The following ZMYM4 variants were observed in gnomAD, a reference collection of about 807,000 sequenced individuals.
The protein encoded by ZMYM4 is zinc finger MYM-type protein 4.
In ZMYM4, 31 loss-of-function variants were observed where a neutral mutation model predicts 183.2. That is an observed-to-expected ratio of 0.17 (90% CI 0.13 to 0.23). The LOEUF is 0.23. Among genes scored for constraint, ZMYM4 ranks in the 10% least tolerant of loss-of-function variants. The pLI is 1.00. For missense variants in ZMYM4, 1,273 were observed against 1,840.3 expected (o/e 0.69, Z 5.64); for synonymous variants, 592 against 631.2 (o/e 0.94, Z 0.93).
At chr1:35,358,769 T>C (rs1250950415) in intron 2 of ZMYM4, 156 bp from the exon 3 acceptor site, 6 of 635,540 alleles carry the variant, frequency 9.4e-6, no homozygotes, top group Middle Eastern at 4.3e-4. Context: ...GGAATAGTTA[T>C]ATCTGTCACA....
At chr1:35,359,523 G>C in intron 3 of ZMYM4, 77 bp downstream of exon 3, 1 of 1,335,676 alleles carries the variant, frequency 7.5e-7, no homozygotes, top group South Asian at 1.6e-5. Context: ...TATTACTTTT[G>C]ATGTTAAGTG....
intron 15 of ZMYM4, among the ~76,000 whole-genome samples, chr1:35,391,484 A>AT (rs1644704614): frequency 1.3e-5 from 2 of 152,214 alleles, no homozygotes; most frequent in Admixed American, 1.3e-4. Context: ...AGCTAGAAGA[A>AT]TTTAAGTGTA....
chr1:35,365,904 G>A (rs1570446936), intron 5 of ZMYM4: 1 of 152,006 alleles, frequency 6.6e-6, no homozygotes, highest in South Asian at 2.1e-4. Context: ...AAGGCATTGT[G>A]GACCATACAA....
chr1:35,269,006 C>G lies in ZMYM4; in HGVS notation c.-41C>G. The G allele has an allele frequency of 6.6e-7, 1 of 1,519,548 alleles. No homozygotes were observed. The highest frequency in any genetic ancestry group is 8.8e-7 in the Non-Finnish European group (1 of 1,133,700). The allele number at this position is 1,519,548 out of a possible 1,614,324, so 94.1% of individuals were successfully genotyped here. A position where few individuals can be genotyped will look rare whatever the true frequency, so the allele number is the denominator to read the frequency against. On this transcript the variant is annotated 5_prime_UTR_variant, in exon 1 of 30. Coordinates refer to ENST00000314607, the MANE Select transcript of ZMYM4 (RefSeq NM_005095.3). ...CCGGGGGGCCGAGAGGTACCGCCGC[C>G]ACCGCGCGGGGAGCCGCAGCGGTTC... is the stretch of plus-strand genomic sequence containing the variant.
chr1:35,402,802 A>G (rs1644933949), intron 23 of ZMYM4, among the ~76,000 whole-genome samples: 3 of 150,880 alleles, frequency 2.0e-5, no homozygotes, highest in Non-Finnish European at 4.4e-5. Context: ...TACCTAGACA[A>G]TCATATTATC....
chr1:35,405,410 C>T lies in ZMYM4; in HGVS notation c.3738C>T (p.Pro1246=), dbSNP rs373958305. ...CCTCATCTAGCCCACGTTCTGACCC[C>T]TTAGGAAGTACTCAAGACCATGCAC... ...EQASSSPRSD[P]LGSTQDHALS... is the part of the protein sequence containing the mutation. Residue 1246 remains proline, a synonymous_variant, in exon 25 of 30, where the codon CCC becomes CCT. Transcript: ENST00000314607. The T allele has an allele frequency of 3.7e-6, 6 of 1,613,574 alleles. No homozygotes were observed. Among genetic ancestry groups the T allele is most frequent in the Non-Finnish European group, 5.1e-6 (6 of 1,179,896 alleles).
chr1:35,275,156 A>G (rs1639807597), intron 1 of ZMYM4, among the ~76,000 whole-genome samples: 1 of 152,198 alleles, frequency 6.6e-6, no homozygotes, highest in South Asian at 2.1e-4. Context: ...TTTATTTTTT[A>G]GAAAATATAC....
intron 7 of ZMYM4, among the ~76,000 whole-genome samples, chr1:35,380,854 T>C (rs1644441988): frequency 6.6e-6 from 1 of 152,210 alleles, no homozygotes; most frequent in Non-Finnish European, 1.5e-5. Context: ...AATGTATGTT[T>C]ACTTTTAAAA....
chr1:35,279,416 C>T (rs760112272), intron 1 of ZMYM4, among the ~76,000 whole-genome samples: 4 of 152,098 alleles, frequency 2.6e-5, no homozygotes, highest in African/African-American at 7.2e-5. Context: ...CTCCATTCCT[C>T]GTTTCTGTTG....
chr1:35,294,050 G>A (rs1022482822), intron 1 of ZMYM4, among the ~76,000 whole-genome samples: 3 of 151,534 alleles, frequency 2.0e-5, no homozygotes, highest in East Asian at 1.9e-4. Context: ...CAGGAGAATC[G>A]CTTGAACCCA....
At chr1:35,408,867 C>T (rs1472058089) in intron 26 of ZMYM4, among the ~76,000 whole-genome samples, 5 of 152,214 alleles carry the variant, frequency 3.3e-5, no homozygotes, top group African/African-American at 1.2e-4. Context: ...GTGCAGTCAT[C>T]ACCACTGTCT....
chr1:35,278,003 C>T (rs1639956549), intron 1 of ZMYM4, among the ~76,000 whole-genome samples: 2 of 152,148 alleles, frequency 1.3e-5, no homozygotes, highest in Admixed American at 6.5e-5. Context: ...TAGCTTAAAA[C>T]ATCAGAAATT....
At chr1:35,385,634 A>G in intron 10 of ZMYM4, 42 bp downstream of exon 10, 1 of 1,553,286 alleles carries the variant, frequency 6.4e-7, no homozygotes, top group Non-Finnish European at 8.7e-7. Flanking sequence ...ATGGTTGAAA[A>G]ATAATGGTTA....
chr1:35,293,140 A>G (rs1236091556), intron 1 of ZMYM4, among the ~76,000 whole-genome samples: 1 of 151,606 alleles, frequency 6.6e-6, no homozygotes, highest in African/African-American at 2.4e-5. Flanking sequence ...AGCTGGGACT[A>G]TAGGTACCTG....
chr1:35,326,064 A>G (rs1395659828), intron 2 of ZMYM4, among the ~76,000 whole-genome samples: 18 of 152,062 alleles, frequency 1.2e-4, no homozygotes. Flanking sequence ...TCAGTATTTT[A>G]TTGTATGGCT....
chr1:35,416,473 CTAAGAT>C (rs773817594), intron 28 of ZMYM4, among the ~76,000 whole-genome samples: 3 of 152,134 alleles, frequency 2.0e-5, no homozygotes, highest in Non-Finnish European at 4.4e-5. Context: ...TGTTCATTTA[CTAAGAT>C]TATCTTTTTC....
chr1:35,405,363 T>C lies in ZMYM4; in HGVS notation c.3701-10T>C. 6.3e-7 allele frequency: 1 copy of C among 1,596,686 alleles called. No individual in the cohort carries two copies. The highest frequency in any genetic ancestry group is 8.5e-7 in the Non-Finnish European group (1 of 1,175,724). ...TTTAAACTTTTCTTTTATGTTTCTC[T>C]CCTTGTCAGGGGTTGAACAGGCCTC... On this transcript the variant is annotated splice_polypyrimidine_tract_variant and intron_variant, in intron 24 of 29. Transcript: ENST00000314607.
At chr1:35,306,113 G>T (rs1165380348) in intron 1 of ZMYM4, among the ~76,000 whole-genome samples, 1 of 151,962 alleles carries the variant, frequency 6.6e-6, no homozygotes, top group African/African-American at 2.4e-5. Flanking sequence ...GATGCCATTT[G>T]TTCTTTATTC....
intron 2 of ZMYM4, among the ~76,000 whole-genome samples, chr1:35,353,720 G>T (rs529127919): frequency 6.6e-6 from 1 of 152,326 alleles, no homozygotes; most frequent in African/African-American, 2.4e-5. Context: ...GGATCACAAG[G>T]ATGAGAAGAA....
Sources: gnomAD v4.1 joint callset for allele counts (sites outside exome capture counted in the v4.1 genomes callset) on GRCh38, gnomAD v4.1.1 for gene constraint, MANE v1.5 for transcripts, NCBI Gene and HGNC (gene_info 2026-07-23, HGNC 2026-07-21) for gene names.